The following CFI variants were observed in gnomAD, a reference collection of about 807,000 sequenced individuals.
CFI encodes C3B/C4B inactivator.
A neutral mutation model predicts 78.8 loss-of-function variants in CFI; 66 were observed. That is an observed-to-expected ratio of 0.84 (90% CI 0.69 to 1.03). The LOEUF (loss-of-function observed/expected upper bound fraction) is 1.03, where lower values mean the gene tolerates loss of function less well. Ranked by LOEUF, CFI falls within the 50% of genes least tolerant of loss-of-function variation. The pLI is 0.00. For missense variants in CFI, 706 were observed against 704.5 expected (o/e 1.00, Z -0.02); for synonymous variants, 250 against 232.6 (o/e 1.07, Z -0.68).
In CFI at chr4:109,789,752, A is replaced by G. The variant is rs1217400839; in HGVS notation, c.57+12163T>C. Among the ~76,000 whole-genome samples, 4 of 152,082 alleles carry G rather than the reference A, an allele frequency of 2.6e-5. No homozygotes were observed. The East Asian group carries it at 7.7e-4, about 29-fold the overall frequency. ...TTTGGGAGTTTTTGATTTGGTGGGA[A>G]GATAGTCTTCATCTCTGTTTTGCAA... On this transcript the variant is annotated intron_variant, in intron 1 of 12. Transcript: ENST00000394634.
intron 7 of CFI, among the ~76,000 whole-genome samples, chr4:109,757,233 A>C (rs1726432908): frequency 6.6e-6 from 1 of 150,966 alleles, no homozygotes; most frequent in African/African-American, 2.4e-5. Context: ...ATGGGGTTTC[A>C]CCGTGTTAGC....
At chr4:109,766,928 A>C (rs1320469327) in intron 1 of CFI, 104 bp from the exon 2 acceptor site, 4 of 1,131,562 alleles carry the variant, frequency 3.5e-6, no homozygotes, top group Admixed American at 1.9e-5. Flanking sequence ...CCCACAGTAC[A>C]GATGAGGATG....
rs775074891 is a variant in CFI at position 109,766,566 on chromosome 4, A to G, written c.316T>C (p.Cys106Arg). The G allele has an allele frequency of 6.2e-7, 1 of 1,614,190 alleles. No individual in the cohort carries two copies. ...PGTKFLNNGT[C>R]TAEGKFSVSL... Reference sequence around the variant, plus strand: ...AGTCTCTTGCTACCTTCGGCTGTGCATGTTCCGTTATTTAAAAACTTTGTC... The same window carrying G: ...AGTCTCTTGCTACCTTCGGCTGTGCGTGTTCCGTTATTTAAAAACTTTGTC... The change falls in exon 2 of 13, where the codon TGC becomes CGC. Residue 106 changes from cysteine to arginine, a missense_variant. Coordinates refer to ENST00000394634, the MANE Select transcript of CFI (RefSeq NM_000204.5).
At chr4:109,775,048 T>G (rs1386205554) in intron 1 of CFI, among the ~76,000 whole-genome samples, 2 of 152,110 alleles carry the variant, frequency 1.3e-5, no homozygotes, top group Non-Finnish European at 2.9e-5. Context: ...TTGAGGAGGT[T>G]CCAATATGGC....
chr4:109,774,215 A>G (rs1328247326), intron 1 of CFI, among the ~76,000 whole-genome samples: 2 of 152,258 alleles, frequency 1.3e-5, no homozygotes, highest in Non-Finnish European at 2.9e-5. Context: ...TAGAGTTTAC[A>G]TTCTAGTAGG....
intron 3 of CFI, chr4:109,762,685 T>G (rs1240023518): frequency 6.6e-6 from 1 of 152,186 alleles, no homozygotes. Context: ...GATTTGTAAT[T>G]ATTTCAGATC....
intron 2 of CFI, 139 bp from the exon 3 acceptor site, chr4:109,764,829 C>A: frequency 1.3e-6 from 1 of 797,968 alleles, no homozygotes; most frequent in Non-Finnish European, 2.0e-6. Context: ...TAATAGTAAG[C>A]AATCATTTTA....
intron 1 of CFI, among the ~76,000 whole-genome samples, chr4:109,770,807 T>G (rs1194547489): frequency 6.6e-6 from 1 of 152,100 alleles, no homozygotes; most frequent in African/African-American, 2.4e-5. Flanking sequence ...CTAGTGCTAA[T>G]GGATTTAGCA....
intron 3 of CFI, among the ~76,000 whole-genome samples, chr4:109,763,928 T>C (rs997133703): frequency 6.7e-6 from 1 of 150,024 alleles, no homozygotes; most frequent in African/African-American, 2.4e-5. Flanking sequence ...ATATTGAAAG[T>C]TAGAAGATAT....
chr4:109,774,023 A>C (rs866423173), intron 1 of CFI, among the ~76,000 whole-genome samples: 3 of 152,254 alleles, frequency 2.0e-5, no homozygotes, highest in Admixed American at 6.5e-5. Context: ...AATGTGGAAA[A>C]AATATCAGAA....
intron 8 of CFI, among the ~76,000 whole-genome samples, chr4:109,750,886 G>C (rs1208164981): frequency 6.6e-6 from 1 of 152,176 alleles, no homozygotes; most frequent in African/African-American, 2.4e-5. Context: ...GAAGGCCTCT[G>C]AGATTTCCAG....
intron 1 of CFI, among the ~76,000 whole-genome samples, chr4:109,768,457 T>C: frequency 6.6e-6 from 1 of 152,100 alleles, no homozygotes; most frequent in East Asian, 1.9e-4. Flanking sequence ...TTCCTCATCG[T>C]AAAATGAGAT....
chr4:109,764,163 A>G (rs1727430814), intron 3 of CFI, among the ~76,000 whole-genome samples: 1 of 151,370 alleles, frequency 6.6e-6, no homozygotes, highest in African/African-American at 2.4e-5. Context: ...TATAGTTTAT[A>G]GTATAAACTA....
chr4:109,755,507 G>T (rs991869713), intron 7 of CFI, among the ~76,000 whole-genome samples: 3 of 152,066 alleles, frequency 2.0e-5, no homozygotes, highest in Admixed American at 2.0e-4. Flanking sequence ...GGTCATGAGG[G>T]CTCTTCCCTC....
At chr4:109,780,578 A>G (rs941994245) in intron 1 of CFI, among the ~76,000 whole-genome samples, 2 of 152,350 alleles carry the variant, frequency 1.3e-5, no homozygotes, top group East Asian at 3.8e-4. Flanking sequence ...CCATTGTGGA[A>G]GACAGTGTGG....
intron 1 of CFI, among the ~76,000 whole-genome samples, chr4:109,796,025 A>T (rs1463197162): frequency 6.6e-6 from 1 of 152,242 alleles, no homozygotes; most frequent in Non-Finnish European, 1.5e-5. Context: ...AAAGATATCT[A>T]ACCTAAAAAG....
intron 1 of CFI, among the ~76,000 whole-genome samples, chr4:109,783,619 T>G (rs1047398999): frequency 6.6e-6 from 1 of 151,992 alleles, no homozygotes; most frequent in African/African-American, 2.4e-5. Flanking sequence ...AGTGTGGAGA[T>G]TCCTTAAAGG....
At chr4:109,749,445 C>G in intron 9 of CFI, 54 bp downstream of exon 9, 2 of 1,525,406 alleles carry the variant, frequency 1.3e-6, no homozygotes, top group Admixed American at 3.3e-5. Flanking sequence ...CCCTTTCCCC[C>G]CAAATTTAGG....
At chr4:109,743,217 T>C (rs1215313336) in intron 11 of CFI, among the ~76,000 whole-genome samples, 1 of 152,182 alleles carries the variant, frequency 6.6e-6, no homozygotes, top group Non-Finnish European at 1.5e-5. Flanking sequence ...TTTATTTTTT[T>C]TTTCCTTTAA....
Sources: allele counts gnomAD v4.1 joint callset (sites outside exome capture counted in the v4.1 genomes callset), GRCh38; gene constraint gnomAD v4.1.1; transcripts MANE v1.5; gene names NCBI Gene and HGNC (gene_info 2026-07-23, HGNC 2026-07-21).